Variants in PRSS12 observed in about 807,000 individuals in gnomAD.
The protein encoded by PRSS12 is serine protease 12, also known as neurotrypsin.
A neutral mutation model predicts 104.4 loss-of-function variants in PRSS12; 85 were observed. That is an observed-to-expected ratio of 0.81 (90% CI 0.68 to 0.98). PRSS12 has a LOEUF of 0.98. PRSS12 is among the 50% of genes least tolerant of loss of function. The probability of loss-of-function intolerance (pLI) is 0.00; values close to 1 mark genes in which losing one functional copy is unlikely to be tolerated. For missense variants in PRSS12, 1,141 were observed against 1,139.2 expected, an observed-to-expected ratio of 1.00 and a Z score of -0.02; for synonymous variants, 454 against 425.2, an observed-to-expected ratio of 1.07 and a Z score of -0.83.
chr4:118,325,746 T>C (rs912641869), intron 4 of PRSS12, among the ~76,000 whole-genome samples: 6 of 152,098 alleles, frequency 3.9e-5, no homozygotes, highest in Admixed American at 1.3e-4. Flanking sequence ...CTGTCCTTCA[T>C]GGAAATTATT....
At position 118,282,145 on chromosome 4, in the gene PRSS12, G is replaced by T; in HGVS notation, c.2419C>A (p.Leu807Ile). The change falls in exon 13 of 13, where the codon CTT (leucine) becomes ATT (isoleucine). Residue 807 changes from leucine (L) to isoleucine (I), a missense_variant. Leu to Ile is a conservative substitution (Grantham distance 5). Transcript: ENST00000296498. ...TGTTCATGGAGGTTTCCAGCACAAA[G>T]CATTCTCCCTGTAAACCGACCCTTA... ...RYKGRFTGRM[L>I]CAGNLHEHKR... 1.2e-6 allele frequency: 2 copies of T among 1,614,156 alleles called. No homozygotes were observed. Among genetic ancestry groups the T allele is most frequent in the Non-Finnish European group, 1.7e-6 (2 of 1,180,034 alleles).
chr4:118,338,033 T>C, intron 2 of PRSS12, 143 bp downstream of exon 2: 1 of 1,089,070 alleles, frequency 9.2e-7, no homozygotes, highest in Non-Finnish European at 1.3e-6. Flanking sequence ...TGGGGCCCTT[T>C]CTTTATAGCT....
intron 12 of PRSS12, 146 bp from the exon 13 acceptor site, chr4:118,282,389 C>T: frequency 9.7e-7 from 1 of 1,028,494 alleles, no homozygotes. Flanking sequence ...CTGGTATGTA[C>T]TATTGTTAGC....
At chr4:118,294,909 A>G (rs1391000205) in intron 11 of PRSS12, 30 bp downstream of exon 11, 2 of 1,613,432 alleles carry the variant, frequency 1.2e-6, no homozygotes, top group Non-Finnish European at 1.7e-6. Flanking sequence ...TAGAAGCTAC[A>G]CTAGGTTGTT....
At position 118,308,458 on chromosome 4, in the gene PRSS12, T is replaced by C. The variant is rs374676581; in HGVS notation, c.1609A>G (p.Ile537Val). The C allele has an allele frequency of 6.2e-7, 1 of 1,614,100 alleles. No homozygotes were observed. Among genetic ancestry groups the C allele is most frequent in the Non-Finnish European group, 8.5e-7 (1 of 1,179,978 alleles). Residue 537 changes from isoleucine (I) to valine (V), a missense_variant, in exon 8 of 13, where the codon ATC becomes GTC. Coordinates refer to ENST00000296498, the MANE Select transcript of PRSS12 (RefSeq NM_003619.4). ...TACTTGTAGCCAAGCTGACGACAGATCACAGCTGCATCCTTATCAGTCCAT... is the reference window on the plus strand; with the variant it reads ...TACTTGTAGCCAAGCTGACGACAGACCACAGCTGCATCCTTATCAGTCCAT... ...DGWTDKDAAV[I>V]CRQLGYKGPA...
Position 118,352,240 on chromosome 4 carries a change from C to T in PRSS12, c.481G>A (p.Gly161Ser). The T allele has an allele frequency of 6.2e-7, 1 of 1,612,048 alleles. No individual in the cohort carries two copies. The highest frequency in any genetic ancestry group is 8.5e-7 in the Non-Finnish European group (1 of 1,179,760). The change falls in exon 1 of 13, where the codon GGC becomes AGC. Residue 161 changes from glycine (G) to serine (S), a missense_variant. Gly to Ser is a moderately conservative substitution (Grantham distance 56). Coordinates refer to ENST00000296498, the MANE Select transcript of PRSS12 (RefSeq NM_003619.4). ...YGDARGKVDW[G>S]YCDCRHGSVR... ...TAACCGTGTCTGCAGTCGCAGTAGC[C>T]CCAGTCCACCTTGCCACGGGCGTCT... is the stretch of plus-strand genomic sequence containing the variant.
intron 4 of PRSS12, among the ~76,000 whole-genome samples, chr4:118,319,357 C>T (rs937578712): frequency 1.3e-5 from 2 of 152,054 alleles, no homozygotes; most frequent in Non-Finnish European, 2.9e-5. Flanking sequence ...TGTGAACCAC[C>T]GCACCCTGCC....
At chr4:118,294,083 T>C (rs551361533) in intron 11 of PRSS12, among the ~76,000 whole-genome samples, 7 of 152,340 alleles carry the variant, frequency 4.6e-5, no homozygotes, top group African/African-American at 1.7e-4. Flanking sequence ...GGCAAAGGTA[T>C]GTACCGTATG....
chr4:118,331,959 A>C, intron 3 of PRSS12, 93 bp from the exon 4 acceptor site: 1 of 1,476,378 alleles, frequency 6.8e-7, no homozygotes. Context: ...CATTCTCAAT[A>C]ATTAAATAAT....
Position 118,295,759 on chromosome 4 carries a change from C to T in PRSS12, c.1916+19G>A, listed in dbSNP as rs148495776. 44 of 1,597,820 alleles carry T rather than the reference C, an allele frequency of 2.8e-5. 1 individual carries two copies. In the African/African-American group the frequency reaches 5.5e-4, roughly 20 times the overall value. ...AATAATTCTGTAATATAAAAAATCT[C>T]TTTTGGAGGAACATTTACCTTAAAG... is the stretch of plus-strand genomic sequence containing the variant. On this transcript the variant is annotated intron_variant, in intron 10 of 12. Coordinates refer to ENST00000296498, the MANE Select transcript of PRSS12 (RefSeq NM_003619.4).
intron 7 of PRSS12, among the ~76,000 whole-genome samples, chr4:118,309,114 C>G (rs895170767): frequency 4.0e-5 from 6 of 151,064 alleles, no homozygotes; most frequent in Non-Finnish European, 8.8e-5. Flanking sequence ...AAAAAAAAAG[C>G]AGTAAATAGG....
At chr4:118,303,301 T>C (rs1354483668) in intron 8 of PRSS12, 1 of 151,974 alleles carries the variant, frequency 6.6e-6, no homozygotes, top group South Asian at 2.1e-4. Context: ...TAAAAGTAGA[T>C]GGCAGGTAGA....
chr4:118,298,684 T>A (rs1253316276), intron 9 of PRSS12, 49 bp downstream of exon 9: 1 of 1,506,706 alleles, frequency 6.6e-7, no homozygotes, highest in South Asian at 1.1e-5. Context: ...AGTAATGGAA[T>A]GGGAATTAGT....
intron 5 of PRSS12, 131 bp downstream of exon 5, chr4:118,318,247 T>C: frequency 1.1e-6 from 1 of 893,604 alleles, no homozygotes; most frequent in Non-Finnish European, 1.7e-6. Flanking sequence ...GCATTCTTTT[T>C]GTTTGTTTTA....
At chr4:118,304,424 G>A (rs1356952157) in intron 8 of PRSS12, among the ~76,000 whole-genome samples, 1 of 151,848 alleles carries the variant, frequency 6.6e-6, no homozygotes. Context: ...ATATTCAAAT[G>A]TCATACAAAT....
chr4:118,320,282 GA>G (rs1018421799), intron 4 of PRSS12, among the ~76,000 whole-genome samples: 3 of 151,562 alleles, frequency 2.0e-5, no homozygotes, highest in African/African-American at 4.9e-5. Flanking sequence ...AAAATATATT[GA>G]AGAAAAAAAA....
chr4:118,283,234 CT>C, intron 11 of PRSS12, 123 bp from the exon 12 acceptor site: 1 of 1,245,172 alleles, frequency 8.0e-7, no homozygotes, highest in Admixed American at 1.8e-5. Flanking sequence ...TAAATTCAAC[CT>C]TTCTTTCCAT....
intron 11 of PRSS12, among the ~76,000 whole-genome samples, chr4:118,284,299 A>C (rs1439276650): frequency 6.6e-6 from 1 of 152,172 alleles, no homozygotes; most frequent in Non-Finnish European, 1.5e-5. Flanking sequence ...CTGTTAGGCA[A>C]ACTGCCCCCA....
intron 11 of PRSS12, among the ~76,000 whole-genome samples, chr4:118,289,511 A>G (rs1254813066): frequency 6.6e-6 from 1 of 152,168 alleles, no homozygotes; most frequent in Non-Finnish European, 1.5e-5. Flanking sequence ...CCTGGCATCT[A>G]AAAGGACAGG....
Sources: allele counts gnomAD v4.1 joint callset (sites outside exome capture counted in the v4.1 genomes callset), GRCh38; gene constraint gnomAD v4.1.1; transcripts MANE v1.5; gene names NCBI Gene and HGNC (gene_info 2026-07-23, HGNC 2026-07-21).